The following RSPO4 variants were observed in gnomAD, a reference collection of about 807,000 sequenced individuals.
RSPO4 encodes R-spondin 4, also known as R-spondin-4.
In RSPO4, 23 loss-of-function variants were observed where a neutral mutation model predicts 24.8. That is an observed-to-expected ratio of 0.93 (90% CI 0.67 to 1.31). RSPO4 has a LOEUF of 1.31. Ranked by LOEUF, RSPO4 falls within the 40% of genes most tolerant of loss-of-function variation. The pLI, the probability that RSPO4 is intolerant of heterozygous loss-of-function variation, is 0.00. For synonymous variants in RSPO4, 141 were observed against 127.4 expected, an observed-to-expected ratio of 1.11 and a Z score of -0.72; for missense variants, 333 against 316.5, an observed-to-expected ratio of 1.05 and a Z score of -0.39.
At chr20:990,586 C>T (rs1466002717) in intron 1 of RSPO4, among the ~76,000 whole-genome samples, 1 of 151,326 alleles carries the variant, frequency 6.6e-6, no homozygotes, top group South Asian at 2.1e-4. Context: ...TTCCCTCTCT[C>T]TCTTCCTGGG....
At chr20:968,224 T>A (rs1234228171) in intron 1 of RSPO4, 86 bp from the exon 2 acceptor site, 1 of 1,277,204 alleles carries the variant, frequency 7.8e-7, no homozygotes, top group Non-Finnish European at 1.1e-6. Context: ...ATGGTCTCAT[T>A]GGGATAGTAA....
chr20:983,671 C>T (rs1010678510), intron 1 of RSPO4, among the ~76,000 whole-genome samples: 28 of 152,170 alleles, frequency 1.8e-4, no homozygotes, highest in African/African-American at 6.5e-4. Flanking sequence ...ATGGGGATAA[C>T]GACTATGCTC....
At position 1,002,180 on chromosome 20, in the gene RSPO4, C is replaced by T. The variant is rs1568938806; in HGVS notation, c.-16G>A. The T allele has an allele frequency of 1.3e-6, 2 of 1,519,842 alleles. No homozygotes were observed. Among genetic ancestry groups the T allele is most frequent in the East Asian group, 2.6e-5 (1 of 38,218 alleles). The allele number at this position is 1,519,842 out of a possible 1,614,324, so 94.1% of individuals were successfully genotyped here. A position where few individuals can be genotyped will look rare whatever the true frequency, so the allele number is the denominator to read the frequency against. On this transcript the variant is annotated 5_prime_UTR_variant, in exon 1 of 5. Transcript: ENST00000217260. This position sits in a 1 kb window ranked among gnomAD's most constrained non-coding sequence, Gnocchi z 4.6. The stretch of plus-strand genomic sequence containing the variant: ...GCGCCCGCATCTGGGCAGCCGGATC[C>T]GGGCTGGCGCTCCCCAGGCGGCCCG...
rs140702077 is a variant in RSPO4 at position 961,876 on chromosome 20, G to A, written c.596-1410C>T. ...ACCCAATGACCCATCCATCCACCTA[G>A]GCACCCACCCATCACCTATCCATCC... On this transcript the variant is annotated intron_variant, in intron 4 of 4. Transcript: ENST00000217260. 4.0e-5 allele frequency among the ~76,000 whole-genome samples: 6 copies of A among 150,736 alleles called. 1 individual carries two copies. The highest frequency in any genetic ancestry group is 4.9e-5 in the African/African-American group (2 of 40,954).
chr20:987,707 C>T (rs1490780002), intron 1 of RSPO4, among the ~76,000 whole-genome samples: 1 of 152,152 alleles, frequency 6.6e-6, no homozygotes, highest in African/African-American at 2.4e-5. Flanking sequence ...GGGAGGACTG[C>T]TTGAGCCCAA....
At chr20:998,985 C>CTTTTTTTT (rs537819758) in intron 1 of RSPO4, among the ~76,000 whole-genome samples, 1 of 131,834 alleles carries the variant, frequency 7.6e-6, no homozygotes, top group Admixed American at 7.6e-5. Flanking sequence ...CTCTCGCTCT[C>CTTTTTTTT]TTTTTTTTTT....
At chr20:987,513 C>T (rs189825750) in intron 1 of RSPO4, among the ~76,000 whole-genome samples, 9 of 152,152 alleles carry the variant, frequency 5.9e-5, no homozygotes, top group South Asian at 2.1e-4. Flanking sequence ...TGTCCAGGTG[C>T]GGTGGCTCAC....
At chr20:963,682 G>A (rs1984078586) in intron 4 of RSPO4, among the ~76,000 whole-genome samples, 1 of 152,084 alleles carries the variant, frequency 6.6e-6, no homozygotes, top group Non-Finnish European at 1.5e-5. Flanking sequence ...TTAAAAGGGG[G>A]GTGTTCAGTT....
intron 1 of RSPO4, among the ~76,000 whole-genome samples, chr20:998,839 C>T (rs986199976): frequency 1.3e-5 from 2 of 152,158 alleles, no homozygotes; most frequent in Admixed American, 6.5e-5. Context: ...CAGGTGTTTT[C>T]AGGACACATT....
chr20:999,447 G>A (rs1042663039), intron 1 of RSPO4, among the ~76,000 whole-genome samples: 3 of 152,178 alleles, frequency 2.0e-5, no homozygotes, highest in Non-Finnish European at 2.9e-5. Context: ...TACAGGAAGG[G>A]TTTATCTAGC....
chr20:990,944 G>T (rs1386441153), intron 1 of RSPO4, among the ~76,000 whole-genome samples: 1 of 152,220 alleles, frequency 6.6e-6, no homozygotes, highest in Non-Finnish European at 1.5e-5. Flanking sequence ...AGTCAGGAAG[G>T]GGCGTGGACA....
intron 1 of RSPO4, among the ~76,000 whole-genome samples, chr20:987,209 G>GCCTGGCC (rs922871918): frequency 3.3e-5 from 5 of 152,190 alleles, no homozygotes; most frequent in African/African-American, 9.7e-5. Flanking sequence ...CTAGTGCACA[G>GCCTGGCC]CCTGGCCCCT....
chr20:968,301 T>C (rs1984296784), intron 1 of RSPO4, among the ~76,000 whole-genome samples, 163 bp from the exon 2 acceptor site: 1 of 152,242 alleles, frequency 6.6e-6, no homozygotes, highest in Admixed American at 6.5e-5. Context: ...GATATGGTCA[T>C]GTGACCAACA....
intron 1 of RSPO4, among the ~76,000 whole-genome samples, chr20:978,909 C>T (rs1984652074): frequency 6.6e-6 from 1 of 151,950 alleles, no homozygotes; most frequent in Non-Finnish European, 1.5e-5. Context: ...TACAGGACAC[C>T]TAAGGGGCTA....
chr20:978,666 A>G (rs1350912610), intron 1 of RSPO4, among the ~76,000 whole-genome samples: 1 of 152,160 alleles, frequency 6.6e-6, no homozygotes, highest in Non-Finnish European at 1.5e-5. Context: ...GCTCAGAGAC[A>G]AGTGAAGGAC....
chr20:982,260 A>G (rs562584147), intron 1 of RSPO4, among the ~76,000 whole-genome samples: 1 of 152,284 alleles, frequency 6.6e-6, no homozygotes, highest in East Asian at 1.9e-4. Context: ...CCTGAGCATG[A>G]AACTGTTACC....
At chr20:1,001,624 C>T (rs1166638512) in intron 1 of RSPO4, among the ~76,000 whole-genome samples, 2 of 152,128 alleles carry the variant, frequency 1.3e-5, no homozygotes, top group African/African-American at 4.8e-5. Flanking sequence ...GGAGGTGACA[C>T]CAGGAGTCAG....
At chr20:978,613 C>T (rs1244962160) in intron 1 of RSPO4, among the ~76,000 whole-genome samples, 1 of 152,104 alleles carries the variant, frequency 6.6e-6, no homozygotes, top group African/African-American at 2.4e-5. Context: ...GAGGACCAGG[C>T]CCATACGAAT....
intron 1 of RSPO4, among the ~76,000 whole-genome samples, chr20:993,362 C>T (rs1315114319): frequency 2.0e-5 from 3 of 152,238 alleles, no homozygotes; most frequent in Non-Finnish European, 2.9e-5. Flanking sequence ...AGATGGGAAG[C>T]AGACCATTCC....
Sources: allele counts gnomAD v4.1 joint callset (sites outside exome capture counted in the v4.1 genomes callset), GRCh38; gene constraint gnomAD v4.1.1; non-coding constraint Gnocchi (gnomAD v3.1); transcripts MANE v1.5; gene names NCBI Gene and HGNC (gene_info 2026-07-23, HGNC 2026-07-21).